Variants in SENP1 observed in about 807,000 individuals in gnomAD.
SENP1 encodes the protein sentrin-specific protease 1.
Under a neutral mutation model 93.0 loss-of-function variants are expected in SENP1, and 21 were observed. The ratio of observed to expected loss-of-function variants is 0.23; its 90% CI spans 0.16 to 0.33. SENP1 has a LOEUF of 0.33. Ranked by LOEUF, SENP1 falls within the 10% of genes least tolerant of loss-of-function variation. SENP1 has a pLI of 1.00. For synonymous variants in SENP1, 256 were observed against 259.6 expected (o/e 0.99, Z 0.13); for missense variants, 591 against 758.7 (o/e 0.78, Z 2.60).
chr12:48,095,257 C>T (rs1945479664), intron 4 of SENP1, among the ~76,000 whole-genome samples: 1 of 152,100 alleles, frequency 6.6e-6, no homozygotes, highest in Non-Finnish European at 1.5e-5. Flanking sequence ...AAAAATCCAG[C>T]CAGGTGCAGC....
At chr12:48,061,283 C>T (rs770432949) in intron 13 of SENP1, among the ~76,000 whole-genome samples, 1 of 152,040 alleles carries the variant, frequency 6.6e-6, no homozygotes, top group Non-Finnish European at 1.5e-5. Flanking sequence ...TCTTATAAAG[C>T]AGGAAACAGA....
At chr12:48,097,155 T>C (rs1262214113) in intron 3 of SENP1, among the ~76,000 whole-genome samples, 2 of 152,206 alleles carry the variant, frequency 1.3e-5, no homozygotes, top group African/African-American at 4.8e-5. Flanking sequence ...ATTTAGTACA[T>C]CCTGTCTGAA....
At chr12:48,105,286 A>C (rs910948206) in intron 1 of SENP1, 1 of 470,012 alleles carries the variant, frequency 2.1e-6, no homozygotes, top group Non-Finnish European at 4.3e-6. Context: ...AGATAGTGGA[A>C]ATACTGCACA....
chr12:48,103,895 AG>A (rs1267764912), intron 1 of SENP1, among the ~76,000 whole-genome samples: 1 of 152,160 alleles, frequency 6.6e-6, no homozygotes, highest in African/African-American at 2.4e-5. Context: ...GACAATGTCT[AG>A]GGCTGCAAGG....
rs1183527396 is a variant in SENP1, at chr12:48,070,267, T to C, written c.995+1400A>G. ...TATAAAAACACATGAAAGAGTCCCA[T>C]ATTTCCATATGGCTCCCTCTTACCT... On this transcript the variant is annotated intron_variant, in intron 9 of 17. Transcript: ENST00000549518. Among the ~76,000 whole-genome samples the C allele has an allele frequency of 3.9e-5, 6 of 152,294 alleles. No individual in the cohort carries two copies. In the South Asian group the frequency reaches 1.0e-3, roughly 26 times the overall value.
intron 1 of SENP1, 42 bp downstream of exon 1, chr12:48,105,986 C>T: frequency 1.4e-6 from 1 of 700,392 alleles, no homozygotes; most frequent in Non-Finnish European, 2.6e-6. Context: ...GACCAGGCTC[C>T]CTCCATCCTC....
At chr12:48,059,684 T>C (rs186959660) in intron 13 of SENP1, among the ~76,000 whole-genome samples, 33 of 152,284 alleles carry the variant, frequency 2.2e-4, no homozygotes, top group Non-Finnish European at 4.3e-4. Flanking sequence ...TTGTTGTTGA[T>C]GGAATTCGTT....
At chr12:48,101,318 T>C in intron 2 of SENP1, 151 bp downstream of exon 2, 2 of 644,170 alleles carry the variant, frequency 3.1e-6, no homozygotes, top group South Asian at 1.9e-5. Flanking sequence ...TTGTTTGGTA[T>C]ATAGTATTAC....
chr12:48,078,842 T>G (rs1370028322), intron 6 of SENP1, among the ~76,000 whole-genome samples: 1 of 152,222 alleles, frequency 6.6e-6, no homozygotes, highest in Non-Finnish European at 1.5e-5. Flanking sequence ...GTAAATTACT[T>G]GTTAAACTGT....
At chr12:48,071,871 A>G (rs539549731) in intron 8 of SENP1, 150 bp from the exon 9 acceptor site, 6 of 539,842 alleles carry the variant, frequency 1.1e-5, no homozygotes, top group Non-Finnish European at 2.0e-5. Flanking sequence ...AGAGAGAGGC[A>G]AGTCCATTGT....
At chr12:48,069,202 T>C (rs1172133570) in intron 9 of SENP1, among the ~76,000 whole-genome samples, 1 of 52,942 alleles carries the variant, frequency 1.9e-5, no homozygotes, top group East Asian at 4.5e-4. Context: ...GGAAGCAAAA[T>C]AAGAGCTTAC....
chr12:48,066,237 C>T (rs908132764), intron 10 of SENP1, among the ~76,000 whole-genome samples: 3 of 151,746 alleles, frequency 2.0e-5, no homozygotes, highest in Non-Finnish European at 4.4e-5. Flanking sequence ...AAAAAATTAC[C>T]GAGACCGAGG....
chr12:48,082,788 T>G (rs1365741086), intron 6 of SENP1, among the ~76,000 whole-genome samples: 1 of 152,158 alleles, frequency 6.6e-6, no homozygotes, highest in Non-Finnish European at 1.5e-5. Context: ...GTCTGTAACT[T>G]CAAAAAAGGT....
chr12:48,068,780 A>C (rs902207137), intron 9 of SENP1, among the ~76,000 whole-genome samples: 8 of 152,148 alleles, frequency 5.3e-5, no homozygotes, highest in African/African-American at 1.9e-4. Context: ...AGAAGGATGG[A>C]GGGAAAAACT....
rs1255225982 is a variant in SENP1 at position 48,074,683 on chromosome 12, G to A, written c.656+7C>T. The A allele has an allele frequency of 1.4e-5, 23 of 1,610,812 alleles. No individual in the cohort carries two copies. The highest frequency in any genetic ancestry group is 2.0e-5 in the Non-Finnish European group (23 of 1,177,598). On this transcript the variant is annotated splice_region_variant and intron_variant, in intron 7 of 17. Transcript: ENST00000549518. Reference sequence around the variant, plus strand: ...AAATTCATCTGAAATATGCTTCTGTGACTCACAGGTGTAAAGGAAAATGTG... The same window carrying A: ...AAATTCATCTGAAATATGCTTCTGTAACTCACAGGTGTAAAGGAAAATGTG...
intron 8 of SENP1, among the ~76,000 whole-genome samples, chr12:48,073,643 A>C (rs758608573): frequency 1.6e-4 from 24 of 152,230 alleles, no homozygotes; most frequent in Non-Finnish European, 3.2e-4. Flanking sequence ...AAGAGAGTGA[A>C]TATTTCAGTT....
intron 4 of SENP1, among the ~76,000 whole-genome samples, chr12:48,090,146 TA>T (rs1945128482): frequency 6.6e-6 from 1 of 152,238 alleles, no homozygotes; most frequent in South Asian, 2.1e-4. Context: ...TGTTCCTTTG[TA>T]ATCAGTATCT....
intron 1 of SENP1, among the ~76,000 whole-genome samples, chr12:48,104,511 T>C (rs1382240893): frequency 1.3e-5 from 2 of 152,280 alleles, no homozygotes; most frequent in South Asian, 2.1e-4. Flanking sequence ...ACACCTTAAA[T>C]ACCTTAACAC....
intron 9 of SENP1, 25 bp downstream of exon 9, chr12:48,071,642 A>C (rs72644844): frequency 0.2 from 304,090 of 1,514,716 alleles, 38,687 homozygotes; most frequent in East Asian, 0.56. Flanking sequence ...TAATTAATAA[A>C]GAACAAGCTT....
Sources: gnomAD v4.1 joint callset for allele counts (sites outside exome capture counted in the v4.1 genomes callset) on GRCh38, gnomAD v4.1.1 for gene constraint, MANE v1.5 for transcripts, NCBI Gene and HGNC (gene_info 2026-07-23, HGNC 2026-07-21) for gene names.